Variants in ZFAND3 observed in about 807,000 individuals in gnomAD.
ZFAND3 encodes zinc finger AN1-type containing 3.
ZFAND3 carries 10 observed loss-of-function variants against 29.6 expected under a neutral mutation model. That is an observed-to-expected ratio of 0.34 (90% CI 0.21 to 0.57). The LOEUF is 0.57. Among genes scored for constraint, ZFAND3 ranks in the 20% least tolerant of loss-of-function variants. The probability of loss-of-function intolerance (pLI) is 0.86; values close to 1 mark genes in which losing one functional copy is unlikely to be tolerated. For synonymous variants in ZFAND3, 128 were observed against 112.6 expected, an observed-to-expected ratio of 1.14 and a Z score of -0.87; for missense variants, 230 against 304.5, an observed-to-expected ratio of 0.76 and a Z score of 1.82.
At chr6:37,973,834 A>T (rs1762431212) in intron 2 of ZFAND3, among the ~76,000 whole-genome samples, 1 of 152,178 alleles carries the variant, frequency 6.6e-6, no homozygotes, top group African/African-American at 2.4e-5. Flanking sequence ...AAATTCTGAA[A>T]TGTTCTTTCT....
chr6:37,879,570 C>T (rs1764854584), intron 1 of ZFAND3, among the ~76,000 whole-genome samples: 1 of 152,056 alleles, frequency 6.6e-6, no homozygotes, highest in African/African-American at 2.4e-5. Context: ...AATGAGTTAA[C>T]TGTAATTAAA....
rs527975524 is a variant in ZFAND3 at position 38,124,599 on chromosome 6, C to T, written c.529+7860C>T. 2.8e-3 allele frequency among the ~76,000 whole-genome samples: 428 copies of T among 152,326 alleles called. 4 individuals are homozygous for T. Among genetic ancestry groups the T allele is most frequent in the Non-Finnish European group, 4.0e-3 (273 of 68,018 alleles). ...CTGGGTGCTAAGCCCCTCACTGCCC[C>T]GGGCCGCTCCGAGTGTGGGGCCCGC... On this transcript the variant is annotated intron_variant, in intron 5 of 5. Coordinates refer to ENST00000287218, the MANE Select transcript of ZFAND3 (RefSeq NM_021943.3).
At position 38,035,895 on chromosome 6, in the gene ZFAND3, A is replaced by G. The variant is rs568941625; in HGVS notation, c.113-25698A>G. Among the ~76,000 whole-genome samples, 7 of 152,362 alleles carry G rather than the reference A, an allele frequency of 4.6e-5. No individual in the cohort carries two copies. In the South Asian group the frequency reaches 1.4e-3, roughly 32 times the overall value. ...TCTCTGGAAATTGTCCTAAGGGCACACAGCAAATGGAGAAATACTTTCAAT... is the reference window on the plus strand; with the variant it reads ...TCTCTGGAAATTGTCCTAAGGGCACGCAGCAAATGGAGAAATACTTTCAAT... On this transcript the variant is annotated intron_variant, in intron 2 of 5. Transcript: ENST00000287218.
At chr6:37,830,253 G>A (rs952637326) in intron 1 of ZFAND3, among the ~76,000 whole-genome samples, 1 of 152,112 alleles carries the variant, frequency 6.6e-6, no homozygotes, top group Non-Finnish European at 1.5e-5. Flanking sequence ...GAAGACTGGG[G>A]CAAGGGGGAT....
intron 1 of ZFAND3, among the ~76,000 whole-genome samples, chr6:37,848,126 A>G (rs1481980198): frequency 6.6e-6 from 1 of 152,200 alleles, no homozygotes. Context: ...GAAAGTACAG[A>G]TATCATTACT....
chr6:37,848,671 T>TA (rs1161686725), intron 1 of ZFAND3, among the ~76,000 whole-genome samples: 12 of 152,234 alleles, frequency 7.9e-5, no homozygotes, highest in African/African-American at 2.7e-4. Flanking sequence ...CCATGAAACT[T>TA]ACAAACTGGA....
At chr6:37,850,747 A>G (rs1339642675) in intron 1 of ZFAND3, among the ~76,000 whole-genome samples, 2 of 152,144 alleles carry the variant, frequency 1.3e-5, no homozygotes, top group African/African-American at 2.4e-5. Context: ...ACATATTCCC[A>G]TTGTTAAGCG....
At chr6:37,838,665 G>A (rs2127372398) in intron 1 of ZFAND3, among the ~76,000 whole-genome samples, 1 of 152,222 alleles carries the variant, frequency 6.6e-6, no homozygotes, top group African/African-American at 2.4e-5. Flanking sequence ...ATGTCTTTTT[G>A]TGGCTGTATA....
intron 2 of ZFAND3, among the ~76,000 whole-genome samples, chr6:38,044,113 C>T (rs191893347): frequency 7.7e-4 from 117 of 152,296 alleles, no homozygotes; most frequent in Non-Finnish European, 6.9e-4. Context: ...TCAACAAAAA[C>T]TAATCCAATA....
intron 2 of ZFAND3, among the ~76,000 whole-genome samples, chr6:37,997,852 A>G (rs1025383758): frequency 2.6e-5 from 4 of 152,198 alleles, no homozygotes; most frequent in Admixed American, 1.3e-4. Flanking sequence ...GTGCTAGAGA[A>G]ATAGAGGATT....
At chr6:37,846,848 A>G (rs185942959) in intron 1 of ZFAND3, among the ~76,000 whole-genome samples, 1 of 151,930 alleles carries the variant, frequency 6.6e-6, no homozygotes, top group Non-Finnish European at 1.5e-5. Context: ...AGTAGCTGGG[A>G]CTACAGGCGC....
intron 4 of ZFAND3, among the ~76,000 whole-genome samples, chr6:38,107,825 C>T (rs1267481674): frequency 1.3e-5 from 2 of 151,940 alleles, no homozygotes; most frequent in African/African-American, 4.8e-5. Context: ...TAAATAACCA[C>T]CTGCTTAAAA....
At chr6:37,860,512 T>G (rs1458883391) in intron 1 of ZFAND3, among the ~76,000 whole-genome samples, 1 of 152,184 alleles carries the variant, frequency 6.6e-6, no homozygotes, top group African/African-American at 2.4e-5. Flanking sequence ...TCAAATTTTT[T>G]ATTCTCTGTA....
intron 1 of ZFAND3, among the ~76,000 whole-genome samples, chr6:37,863,608 G>GT (rs779431404): frequency 0.037 from 5,343 of 144,048 alleles, 234 homozygotes; most frequent in Admixed American, 0.13. Flanking sequence ...GGTTTCACAG[G>GT]TTTTTTTTTT....
intron 1 of ZFAND3, among the ~76,000 whole-genome samples, chr6:37,904,604 A>G (rs1765376381): frequency 6.6e-6 from 1 of 152,208 alleles, no homozygotes; most frequent in African/African-American, 2.4e-5. Context: ...TGGAATTTAA[A>G]GGGATTGATA....
chr6:37,974,396 C>CTTTTTT (rs1561952553), intron 2 of ZFAND3, among the ~76,000 whole-genome samples: 15 of 86,234 alleles, frequency 1.7e-4, no homozygotes, highest in African/African-American at 6.7e-4. Context: ...CTCTCTCTCT[C>CTTTTTT]TCTCTCTTTT....
intron 2 of ZFAND3, 28 bp from the exon 3 acceptor site, chr6:38,061,561 CTTAA>C: frequency 6.2e-7 from 1 of 1,612,864 alleles, no homozygotes; most frequent in Non-Finnish European, 8.5e-7. Context: ...CTGTGAACTC[CTTAA>C]TTAAGCTCGT....
chr6:37,963,814 ATCTC>A (rs1396530403), intron 2 of ZFAND3, among the ~76,000 whole-genome samples: 11 of 152,090 alleles, frequency 7.2e-5, no homozygotes, highest in Non-Finnish European at 1.6e-4. Context: ...CCCTCTTAAG[ATCTC>A]TCTATTGGAT....
At chr6:37,852,390 G>GT (rs1304883769) in intron 1 of ZFAND3, among the ~76,000 whole-genome samples, 1 of 152,160 alleles carries the variant, frequency 6.6e-6, no homozygotes, top group Non-Finnish European at 1.5e-5. Flanking sequence ...CAGTGACTCA[G>GT]TTTTTTTGTC....
Sources: allele counts gnomAD v4.1 joint callset (sites outside exome capture counted in the v4.1 genomes callset), GRCh38; gene constraint gnomAD v4.1.1; transcripts MANE v1.5; gene names NCBI Gene and HGNC (gene_info 2026-07-23, HGNC 2026-07-21).